RAP1GDS1: variants seen among roughly 807,000 people sequenced by gnomAD.
RAP1GDS1 encodes RAP1, GTP-GDP dissociation stimulator 1.
RAP1GDS1 carries 35 observed loss-of-function variants against 71.1 expected under a neutral mutation model. The ratio of observed to expected loss-of-function variants is 0.49; its 90% confidence interval spans 0.38 to 0.65. The LOEUF (loss-of-function observed/expected upper bound fraction) is 0.65, where lower values mean the gene tolerates loss of function less well. Ranked by LOEUF, RAP1GDS1 falls within the 30% of genes least tolerant of loss-of-function variation. RAP1GDS1 has a pLI of 0.00. For synonymous variants in RAP1GDS1, 229 were observed against 243.1 expected (o/e 0.94, Z 0.54); for missense variants, 663 against 706.1 (o/e 0.94, Z 0.69).
intron 2 of RAP1GDS1, among the ~76,000 whole-genome samples, chr4:98,313,497 G>T (rs886231305): frequency 6.6e-6 from 1 of 152,164 alleles, no homozygotes. Context: ...ATAGTTATAT[G>T]TTGGGATAAC....
intron 2 of RAP1GDS1, among the ~76,000 whole-genome samples, chr4:98,319,159 C>T (rs969049435): frequency 6.6e-6 from 1 of 152,156 alleles, no homozygotes; most frequent in Non-Finnish European, 1.5e-5. Flanking sequence ...TAAACTCTTT[C>T]AGAGCAGAGT....
At chr4:98,428,285 G>T (rs6811725) in intron 12 of RAP1GDS1, among the ~76,000 whole-genome samples, 22,127 of 152,090 alleles carry the variant, frequency 0.15, 2,366 homozygotes, top group African/African-American at 0.3. Context: ...TCTAGATGTT[G>T]GCTTAGGCAA....
chr4:98,439,086 A>C (rs1338918142), intron 14 of RAP1GDS1, among the ~76,000 whole-genome samples: 2 of 152,218 alleles, frequency 1.3e-5, no homozygotes, highest in Non-Finnish European at 2.9e-5. Flanking sequence ...CTTTCTGTTT[A>C]GAGAACTTCC....
intron 4 of RAP1GDS1, among the ~76,000 whole-genome samples, chr4:98,373,409 C>G (rs949458829): frequency 2.0e-5 from 3 of 151,790 alleles, no homozygotes; most frequent in Non-Finnish European, 4.4e-5. Context: ...CTCTCTCTCC[C>G]TCCCTCCCTC....
chr4:98,380,664 C>G (rs560017162), intron 5 of RAP1GDS1, among the ~76,000 whole-genome samples: 2 of 151,838 alleles, frequency 1.3e-5, no homozygotes, highest in South Asian at 4.2e-4. Flanking sequence ...AATTTAACCA[C>G]AATACATAGG....
intron 1 of RAP1GDS1, among the ~76,000 whole-genome samples, chr4:98,286,435 AATAAAATTTTACAAATTGTATTTT>A (rs2090009608): frequency 6.6e-6 from 1 of 152,064 alleles, no homozygotes; most frequent in African/African-American, 2.4e-5. Flanking sequence ...CATTGTGTGA[AATAAAATTTTACAAATTGTATTTT>A]GCTCTTATTT....
chr4:98,439,584 G>A (rs552502298), intron 14 of RAP1GDS1, among the ~76,000 whole-genome samples: 1 of 152,110 alleles, frequency 6.6e-6, no homozygotes, highest in Admixed American at 6.6e-5. Context: ...AGGTCCCTGA[G>A]GTTTTGTTCT....
chr4:98,363,141 TG>T (rs34769031), intron 4 of RAP1GDS1, among the ~76,000 whole-genome samples: 4 of 152,090 alleles, frequency 2.6e-5, no homozygotes, highest in Non-Finnish European at 5.9e-5. Context: ...AGCTGAGGTC[TG>T]GAAAATGAGA....
At chr4:98,346,948 CT>C (rs1299412926) in intron 3 of RAP1GDS1, among the ~76,000 whole-genome samples, 1 of 152,148 alleles carries the variant, frequency 6.6e-6, no homozygotes, top group East Asian at 1.9e-4. Context: ...ATATTCATGC[CT>C]CATAGTTTTC....
intron 4 of RAP1GDS1, among the ~76,000 whole-genome samples, chr4:98,362,219 G>T (rs577150874): frequency 6.6e-6 from 1 of 152,232 alleles, no homozygotes; most frequent in African/African-American, 2.4e-5. Context: ...GTGGCTCACA[G>T]CTGTGATCCT....
chr4:98,335,131 T>G (rs183684492), intron 2 of RAP1GDS1, among the ~76,000 whole-genome samples: 19 of 152,304 alleles, frequency 1.2e-4, no homozygotes, highest in African/African-American at 4.6e-4. Flanking sequence ...GCCTTAATGT[T>G]TGAGAATTCC....
chr4:98,400,874 G>T (rs1172732257), intron 6 of RAP1GDS1, among the ~76,000 whole-genome samples: 1 of 152,052 alleles, frequency 6.6e-6, no homozygotes, highest in Non-Finnish European at 1.5e-5. Context: ...GAGGGAAAAT[G>T]ACTTCCAACA....
At chr4:98,389,219 CTT>C (rs1357678897) in intron 5 of RAP1GDS1, among the ~76,000 whole-genome samples, 2 of 151,982 alleles carry the variant, frequency 1.3e-5, no homozygotes, top group African/African-American at 4.8e-5. Flanking sequence ...TCCAGGGACA[CTT>C]TTTGAGAACC....
At chr4:98,396,721 A>G (rs1744606234) in intron 6 of RAP1GDS1, 1 of 152,222 alleles carries the variant, frequency 6.6e-6, no homozygotes, top group South Asian at 2.1e-4. Flanking sequence ...TGGAACATGT[A>G]TGCACCAGAA....
At chr4:98,320,950 G>C (rs746854306) in intron 2 of RAP1GDS1, among the ~76,000 whole-genome samples, 12,474 of 114,984 alleles carry the variant, frequency 0.11, 1,028 homozygotes, top group African/African-American at 0.24. Context: ...AGAGAAGAAG[G>C]CTTCAGACGA....
chr4:98,334,076 C>T (rs1469651416), intron 2 of RAP1GDS1, among the ~76,000 whole-genome samples: 1 of 151,932 alleles, frequency 6.6e-6, no homozygotes, highest in African/African-American at 2.4e-5. Flanking sequence ...TTTTAAGTCA[C>T]GTGAACTAAA....
Position 98,434,047 on chromosome 4 carries a change from G to A in RAP1GDS1, c.1552G>A (p.Ala518Thr). The A allele has an allele frequency of 6.2e-7, 1 of 1,613,692 alleles. No individual in the cohort carries two copies. The highest frequency in any genetic ancestry group is 8.5e-7 in the Non-Finnish European group (1 of 1,179,734). The change falls in exon 13 of 15, where the codon GCA (alanine) becomes ACA (threonine). Residue 518 changes from alanine to threonine, a missense_variant. Ala to Thr is a moderately conservative substitution (Grantham distance 58). Coordinates refer to ENST00000408927, the MANE Select transcript of RAP1GDS1 (RefSeq NM_001100427.2). ...AGCTCTTGTTGCTTTGGCATTAATA[G>A]CAGCTTTAGAATTGGGTAAGTACCC... ...NEALVALALI[A>T]ALELGTAEKD...
intron 2 of RAP1GDS1, among the ~76,000 whole-genome samples, chr4:98,325,903 C>A (rs1732990119): frequency 1.8e-5 from 2 of 108,882 alleles, no homozygotes; most frequent in Admixed American, 2.0e-4. Context: ...GCACATGTAC[C>A]CTAAAACTTA....
At chr4:98,303,049 TAAAAA>T (rs536421624) in intron 2 of RAP1GDS1, among the ~76,000 whole-genome samples, 1 of 105,136 alleles carries the variant, frequency 9.5e-6, no homozygotes, top group African/African-American at 3.4e-5. Context: ...CAGTCTCAAA[TAAAAA>T]AAAAAAAAAA....
Sources: allele counts gnomAD v4.1 joint callset (sites outside exome capture counted in the v4.1 genomes callset), GRCh38; gene constraint gnomAD v4.1.1; transcripts MANE v1.5; gene names NCBI Gene and HGNC (gene_info 2026-07-23, HGNC 2026-07-21).